The following SMAP1 variants were observed in gnomAD, a reference collection of about 807,000 sequenced individuals.
SMAP1 encodes the protein stromal membrane-associated protein 1.
In SMAP1, 24 loss-of-function variants were observed where a neutral mutation model predicts 58.5. That is an observed-to-expected ratio of 0.41 (90% confidence interval 0.30 to 0.58). The LOEUF is 0.58. SMAP1 is among the 20% of genes least tolerant of loss of function. SMAP1 has a pLI of 0.29. For missense variants in SMAP1, 563 were observed against 566.3 expected, an observed-to-expected ratio of 0.99 and a Z score of 0.06; for synonymous variants, 216 against 196.6, an observed-to-expected ratio of 1.10 and a Z score of -0.82.
intron 6 of SMAP1, among the ~76,000 whole-genome samples, chr6:70,799,333 A>T (rs1768745833): frequency 6.6e-6 from 1 of 152,180 alleles, no homozygotes; most frequent in South Asian, 2.1e-4. Flanking sequence ...GGCTGTGAGC[A>T]GCACTTCAAA....
intron 1 of SMAP1, among the ~76,000 whole-genome samples, chr6:70,690,150 CTT>C (rs1350815621): frequency 6.6e-6 from 1 of 152,054 alleles, no homozygotes; most frequent in Non-Finnish European, 1.5e-5. Context: ...AGGGTTCAGA[CTT>C]TATCTTTTAT....
At chr6:70,783,212 C>G (rs1345270804) in intron 4 of SMAP1, among the ~76,000 whole-genome samples, 1 of 152,220 alleles carries the variant, frequency 6.6e-6, no homozygotes, top group Non-Finnish European at 1.5e-5. Context: ...GGACCTCTAG[C>G]AAACTCCAAC....
intron 3 of SMAP1, among the ~76,000 whole-genome samples, chr6:70,764,023 C>T (rs1188146728): frequency 6.6e-6 from 1 of 152,004 alleles, no homozygotes; most frequent in African/African-American, 2.4e-5. Context: ...AGCGATCGTT[C>T]TGCCTCAGCC....
At chr6:70,834,994 A>T (rs1770512432) in intron 6 of SMAP1, among the ~76,000 whole-genome samples, 1 of 152,038 alleles carries the variant, frequency 6.6e-6, no homozygotes, top group East Asian at 1.9e-4. Flanking sequence ...TCACGCCTGT[A>T]ATCCCAGCAC....
intron 6 of SMAP1, among the ~76,000 whole-genome samples, chr6:70,814,098 G>C (rs561913070): frequency 6.6e-6 from 1 of 152,188 alleles, no homozygotes; most frequent in South Asian, 2.1e-4. Context: ...GCATCTTCTG[G>C]CCTTGGGAGT....
rs141971172 is a variant in SMAP1, at chr6:70,847,565, T to G, written c.665-4975T>G. Among the ~76,000 whole-genome samples the G allele has an allele frequency of 1.9e-3, 285 of 152,340 alleles. 2 individuals are homozygous for G. Among genetic ancestry groups the G allele is most frequent in the African/African-American group, 6.5e-3 (272 of 41,582 alleles). ...GATGGAAATCCCATCTTCATTTTAC[T>G]GCATTGTCCTAATTTCTTCTGTTTG... On this transcript the variant is annotated intron_variant, in intron 7 of 10. Transcript: ENST00000370455.
At chr6:70,723,440 G>A (rs1350439971) in intron 1 of SMAP1, among the ~76,000 whole-genome samples, 1 of 152,064 alleles carries the variant, frequency 6.6e-6, no homozygotes, top group Non-Finnish European at 1.5e-5. Flanking sequence ...CCTTTGCCTT[G>A]ATTACTCTTT....
At chr6:70,783,636 C>T (rs141791374) in intron 4 of SMAP1, among the ~76,000 whole-genome samples, 2,898 of 152,176 alleles carry the variant, frequency 0.019, 134 homozygotes, top group East Asian at 0.16. Flanking sequence ...AGCCAAGGCT[C>T]AAGAACTACA....
chr6:70,813,144 AATTTAATGTTGTATTATAAGCATTT>A (rs1184943072), intron 6 of SMAP1, among the ~76,000 whole-genome samples: 3 of 151,994 alleles, frequency 2.0e-5, no homozygotes, highest in Non-Finnish European at 4.4e-5. Flanking sequence ...TCTCACCCCC[AATTTAATGTTGTATTATAAGCATTT>A]ATTTTACCTT....
Position 70,856,890 on chromosome 6 carries a change from T to TGTCTA in SMAP1, c.822_826dup (p.Thr276SerfsTer4). 6.2e-7 allele frequency: 1 copy of TGTCTA among 1,613,672 alleles called. No homozygotes were observed. Among genetic ancestry groups the TGTCTA allele is most frequent in the African/African-American group, 1.3e-5 (1 of 75,054 alleles). ...CCCTCTGCACCAGCAGCTGCAACCC[T>TGTCTA]GTCTACAGTAACATCTGGGGATCTA... On this transcript the variant is annotated frameshift_variant, in exon 9 of 11. Coordinates refer to ENST00000370455, the MANE Select transcript of SMAP1 (RefSeq NM_001044305.3). LOFTEE classifies it high-confidence loss of function.
intron 1 of SMAP1, among the ~76,000 whole-genome samples, chr6:70,695,778 T>C (rs966254165): frequency 2.0e-5 from 3 of 152,206 alleles, no homozygotes; most frequent in Non-Finnish European, 1.5e-5. Context: ...ATCAGGGTGA[T>C]ACTAGCCTTG....
chr6:70,755,184 G>C, intron 3 of SMAP1, 119 bp downstream of exon 3: 4 of 782,676 alleles, frequency 5.1e-6, no homozygotes, highest in Non-Finnish European at 8.1e-6. Flanking sequence ...GTTCATTAAA[G>C]ATAGAAATTG....
chr6:70,706,701 C>T (rs985078388), intron 1 of SMAP1, among the ~76,000 whole-genome samples: 12 of 152,198 alleles, frequency 7.9e-5, no homozygotes, highest in African/African-American at 1.9e-4. Context: ...ATTAAACTTT[C>T]GTTGTACCAC....
intron 1 of SMAP1, among the ~76,000 whole-genome samples, chr6:70,716,863 C>T (rs1421532217): frequency 3.3e-5 from 5 of 152,038 alleles, no homozygotes; most frequent in African/African-American, 9.7e-5. Flanking sequence ...GGGTCAGTTT[C>T]TGAAAATTTA....
intron 4 of SMAP1, among the ~76,000 whole-genome samples, chr6:70,777,033 T>C (rs1221731903): frequency 1.3e-5 from 2 of 152,180 alleles, no homozygotes; most frequent in East Asian, 3.8e-4. Flanking sequence ...GCTTATATGG[T>C]AATTCTGTTT....
intron 6 of SMAP1, among the ~76,000 whole-genome samples, chr6:70,833,451 C>CT (rs1185012641): frequency 1.3e-5 from 2 of 152,136 alleles, no homozygotes; most frequent in African/African-American, 4.8e-5. Flanking sequence ...AATCCTTTTG[C>CT]TTTTTTGATT....
At chr6:70,700,101 G>C (rs545510852) in intron 1 of SMAP1, among the ~76,000 whole-genome samples, 1 of 152,204 alleles carries the variant, frequency 6.6e-6, no homozygotes, top group South Asian at 2.1e-4. Context: ...TGCTGTTCTT[G>C]AGATAGTGAG....
At chr6:70,827,362 A>G (rs1305297608) in intron 6 of SMAP1, among the ~76,000 whole-genome samples, 4 of 152,232 alleles carry the variant, frequency 2.6e-5, no homozygotes, top group Non-Finnish European at 5.9e-5. Context: ...ACCCAAACTT[A>G]ACTGTCCTGA....
intron 1 of SMAP1, among the ~76,000 whole-genome samples, chr6:70,697,419 C>T (rs1767450187): frequency 6.6e-6 from 1 of 151,878 alleles, no homozygotes; most frequent in Non-Finnish European, 1.5e-5. Context: ...AATTCTCCTG[C>T]CTCAGCCTCC....
Sources: gnomAD v4.1 joint callset for allele counts (sites outside exome capture counted in the v4.1 genomes callset) on GRCh38, gnomAD v4.1.1 for gene constraint, MANE v1.5 for transcripts, NCBI Gene and HGNC (gene_info 2026-07-23, HGNC 2026-07-21) for gene names.